Variants in HMGB1 observed in about 807,000 individuals in gnomAD.
HMGB1 encodes high mobility group box 1, also known as high mobility group protein B1.
For synonymous variants in HMGB1, 81 were observed against 84.0 expected, an observed-to-expected ratio of 0.96 and a Z score of 0.19; for missense variants, 79 against 253.5, an observed-to-expected ratio of 0.31 and a Z score of 4.67.
At chr13:30,542,703 T>C in intron 1 of HMGB1, 1 of 210,078 alleles carries the variant, frequency 4.8e-6, no homozygotes, top group Non-Finnish European at 9.9e-6. Flanking sequence ...GATTTCCCAA[T>C]GAATGAAAAT....
chr13:30,467,252 C>T (rs1886814649), upstream of HMGB1, among the ~76,000 whole-genome samples: 1 of 152,190 alleles, frequency 6.6e-6, no homozygotes, highest in Non-Finnish European at 1.5e-5. Context: ...ATTTTGTACA[C>T]TTCTAAATCC....
chr13:30,565,696 A>G (rs998756122), intron 1 of HMGB1, among the ~76,000 whole-genome samples: 3 of 152,134 alleles, frequency 2.0e-5, no homozygotes, highest in African/African-American at 7.2e-5. Context: ...TGGTCCATGG[A>G]CCACACTTAA....
chr13:30,616,038 T>C (rs1950557979), intron 1 of HMGB1, among the ~76,000 whole-genome samples: 1 of 152,218 alleles, frequency 6.6e-6, no homozygotes, highest in African/African-American at 2.4e-5. Flanking sequence ...ATTTCAAATA[T>C]ATAGGAATAA....
chr13:30,469,719 G>A (rs926708714), upstream of HMGB1, among the ~76,000 whole-genome samples: 4 of 151,892 alleles, frequency 2.6e-5, no homozygotes, highest in Non-Finnish European at 4.4e-5. Context: ...CAACCTCTGC[G>A]TCCTTGGTTT....
At chr13:30,602,807 C>T (rs1357990301) in intron 1 of HMGB1, among the ~76,000 whole-genome samples, 1 of 152,166 alleles carries the variant, frequency 6.6e-6, no homozygotes, top group Admixed American at 6.5e-5. Flanking sequence ...GAGAGAAACA[C>T]ATTAGCAGTC....
chr13:30,558,938 T>C (rs1239158324), intron 1 of HMGB1, among the ~76,000 whole-genome samples: 1 of 152,208 alleles, frequency 6.6e-6, no homozygotes. Flanking sequence ...AGATGGATTA[T>C]AATCTTCTTG....
chr13:30,532,047 T>A (rs1888507459), intron 1 of HMGB1, among the ~76,000 whole-genome samples: 2 of 150,828 alleles, frequency 1.3e-5, no homozygotes, highest in Admixed American at 6.6e-5. Context: ...TATGTATTTT[T>A]AAAAAATCAG....
chr13:30,521,807 C>G (rs1013801087), intron 1 of HMGB1, among the ~76,000 whole-genome samples: 3 of 152,222 alleles, frequency 2.0e-5, no homozygotes, highest in Admixed American at 6.5e-5. Context: ...TATTCCAAAG[C>G]AGAGGAACCA....
intron 1 of HMGB1, among the ~76,000 whole-genome samples, chr13:30,485,034 C>CTTTTTTT (rs59990628): frequency 7.4e-6 from 1 of 134,568 alleles, no homozygotes; most frequent in Non-Finnish European, 1.6e-5. Context: ...TTTTCTTTTT[C>CTTTTTTT]TTTTTTTTTT....
At chr13:30,589,961 C>A (rs937581268) in intron 1 of HMGB1, among the ~76,000 whole-genome samples, 1 of 151,618 alleles carries the variant, frequency 6.6e-6, no homozygotes, top group African/African-American at 2.4e-5. Flanking sequence ...TGATAAAAAT[C>A]TTGAAGAAGA....
intron 1 of HMGB1, chr13:30,464,169 G>C (rs1047714444): frequency 1.0e-6 from 1 of 984,182 alleles, no homozygotes; most frequent in African/African-American, 1.8e-5. Flanking sequence ...ACCGTGCACC[G>C]AAAGTTTCAA....
intron 1 of HMGB1, among the ~76,000 whole-genome samples, chr13:30,480,318 T>G (rs1227404823): frequency 1.3e-5 from 2 of 152,262 alleles, no homozygotes; most frequent in Non-Finnish European, 2.9e-5. Flanking sequence ...TATTTTAATT[T>G]TAGAGATGTG....
At chr13:30,548,445 C>G (rs776600084) in intron 1 of HMGB1, among the ~76,000 whole-genome samples, 2 of 152,102 alleles carry the variant, frequency 1.3e-5, no homozygotes, top group African/African-American at 4.8e-5. Context: ...ATTAACAGCA[C>G]GAGAATGGAC....
intron 1 of HMGB1, among the ~76,000 whole-genome samples, chr13:30,520,935 G>A (rs1888223989): frequency 6.6e-6 from 1 of 152,186 alleles, no homozygotes; most frequent in Non-Finnish European, 1.5e-5. Context: ...GGAAGGAAAG[G>A]AGCGCTTCAC....
At chr13:30,482,245 C>T (rs1007153248) in intron 1 of HMGB1, among the ~76,000 whole-genome samples, 1 of 152,096 alleles carries the variant, frequency 6.6e-6, no homozygotes, top group Non-Finnish European at 1.5e-5. Flanking sequence ...ATTCCGTGTC[C>T]CTCCTCCTCT....
chr13:30,601,745 CAAAAAAAAAAAAAAAAAAAAAAAA>C (rs914063726), intron 1 of HMGB1, among the ~76,000 whole-genome samples: 92 of 3,540 alleles, frequency 0.026, 4 homozygotes, highest in East Asian at 0.14. Context: ...GACTCCGTCT[CAAAAAAAAAAAAAAAAAAAAAAAA>C]AAAAAAAAAA....
intron 1 of HMGB1, among the ~76,000 whole-genome samples, chr13:30,535,392 A>ATATG (rs1294723735): frequency 6.6e-6 from 1 of 152,222 alleles, no homozygotes; most frequent in Non-Finnish European, 1.5e-5. Context: ...CTGTGTTTGC[A>ATATG]TATGTATGTA....
rs146947388 is a variant in HMGB1 at position 30,574,291 on chromosome 13, A to G, written c.-15+42380T>C. Among the ~76,000 whole-genome samples, 227 of 152,344 alleles carry G rather than the reference A, an allele frequency of 1.5e-3. 2 individuals carry two copies. Among genetic ancestry groups the G allele is most frequent in the African/African-American group, 5.2e-3 (215 of 41,580 alleles). ...TAGATATTTCTCTGATAGCATTACT[A>G]TCTTTCCTCTTTATCACAACTGTTT... is the stretch of plus-strand genomic sequence containing the variant. On this transcript the variant is annotated intron_variant, in intron 1 of 4. Transcript: ENST00000405805.
chr13:30,469,394 T>C (rs1445374794), upstream of HMGB1, among the ~76,000 whole-genome samples: 1 of 152,212 alleles, frequency 6.6e-6, no homozygotes, highest in African/African-American at 2.4e-5. Context: ...GCAATCACAA[T>C]TGTGGTTCTC....
Sources: gnomAD v4.1 joint callset for allele counts (sites outside exome capture counted in the v4.1 genomes callset) on GRCh38, gnomAD v4.1.1 for gene constraint, MANE v1.5 for transcripts, NCBI Gene and HGNC (gene_info 2026-07-23, HGNC 2026-07-21) for gene names.